Variants in IMMP2L observed in about 807,000 individuals in gnomAD.
IMMP2L encodes the protein inner mitochondrial membrane peptidase subunit 2.
Under a neutral mutation model 19.3 loss-of-function variants are expected in IMMP2L, and 18 were observed. The ratio of observed to expected loss-of-function variants is 0.93; its 90% CI spans 0.64 to 1.38. The LOEUF is 1.38. Ranked by LOEUF, IMMP2L falls within the 40% of genes most tolerant of loss-of-function variation. The pLI is 0.00. For synonymous variants in IMMP2L, 76 were observed against 73.0 expected, an observed-to-expected ratio of 1.04 and a Z score of -0.21; for missense variants, 233 against 218.2, an observed-to-expected ratio of 1.07 and a Z score of -0.43.
intron 5 of IMMP2L, among the ~76,000 whole-genome samples, chr7:110,690,828 A>G (rs1350688268): frequency 1.3e-5 from 2 of 152,176 alleles, no homozygotes; most frequent in African/African-American, 4.8e-5. Flanking sequence ...AGATAACACA[A>G]ACAAATGGAA....
chr7:111,344,524 A>T (rs187670095), intron 3 of IMMP2L, among the ~76,000 whole-genome samples: 1 of 152,192 alleles, frequency 6.6e-6, no homozygotes, highest in Non-Finnish European at 1.5e-5. Context: ...CAATAGATAG[A>T]GCCATGTCTG....
intron 4 of IMMP2L, among the ~76,000 whole-genome samples, chr7:110,923,463 T>C (rs912966174): frequency 2.0e-5 from 3 of 152,048 alleles, no homozygotes; most frequent in Non-Finnish European, 2.9e-5. Flanking sequence ...AAAAGAAAAA[T>C]AGAGAGTGAA....
chr7:110,886,956 T>C (rs1441346098), intron 4 of IMMP2L, among the ~76,000 whole-genome samples: 1 of 152,160 alleles, frequency 6.6e-6, no homozygotes, highest in Non-Finnish European at 1.5e-5. Context: ...TGTGTTGTTA[T>C]TTAATAGAAT....
At chr7:111,508,799 T>G (rs952648690) in intron 2 of IMMP2L, among the ~76,000 whole-genome samples, 4 of 152,130 alleles carry the variant, frequency 2.6e-5, no homozygotes, top group Non-Finnish European at 5.9e-5. Context: ...TCATGCCAAA[T>G]AGGCAAGTTC....
intron 3 of IMMP2L, among the ~76,000 whole-genome samples, chr7:110,993,595 G>GA (rs112398359): frequency 0.067 from 9,555 of 142,858 alleles, 377 homozygotes; most frequent in African/African-American, 0.11. Context: ...TAGATTTCAT[G>GA]AAAAAAAAAA....
At chr7:111,384,720 T>G (rs1383407820) in intron 3 of IMMP2L, among the ~76,000 whole-genome samples, 1 of 152,152 alleles carries the variant, frequency 6.6e-6, no homozygotes, top group South Asian at 2.1e-4. Flanking sequence ...ATGAGTCACG[T>G]AGCAGTAAAC....
intron 3 of IMMP2L, among the ~76,000 whole-genome samples, chr7:111,171,001 T>C (rs1442169047): frequency 6.6e-6 from 1 of 151,832 alleles, no homozygotes; most frequent in Non-Finnish European, 1.5e-5. Context: ...GTTATATGAA[T>C]AGTTCTAATT....
chr7:110,888,408 T>C (rs1810447752), intron 4 of IMMP2L, among the ~76,000 whole-genome samples: 1 of 152,304 alleles, frequency 6.6e-6, no homozygotes, highest in Admixed American at 6.5e-5. Flanking sequence ...CAAACGTTTG[T>C]TCACCTTATT....
intron 5 of IMMP2L, among the ~76,000 whole-genome samples, chr7:110,807,116 T>G (rs763416459): frequency 6.6e-6 from 1 of 152,006 alleles, no homozygotes; most frequent in Admixed American, 6.6e-5. Flanking sequence ...TTTTAAAATC[T>G]TACTAGAAGA....
intron 3 of IMMP2L, among the ~76,000 whole-genome samples, chr7:111,369,430 G>A (rs560594710): frequency 2.0e-5 from 3 of 151,808 alleles, no homozygotes; most frequent in Admixed American, 6.6e-5. Context: ...ATAGTACTAG[G>A]ATTTCAATTT....
At chr7:111,003,781 G>A (rs1283217292) in intron 3 of IMMP2L, among the ~76,000 whole-genome samples, 1 of 151,676 alleles carries the variant, frequency 6.6e-6, no homozygotes, top group Non-Finnish European at 1.5e-5. Flanking sequence ...CAAAGTGCTG[G>A]AATTACAGAC....
chr7:110,738,592 G>A (rs916548358), intron 5 of IMMP2L, among the ~76,000 whole-genome samples: 6 of 152,302 alleles, frequency 3.9e-5, no homozygotes, highest in Admixed American at 1.3e-4. Context: ...CCAAACCTAA[G>A]AATAATTGGT....
intron 3 of IMMP2L, among the ~76,000 whole-genome samples, chr7:111,085,078 T>A (rs1197244684): frequency 1.3e-5 from 2 of 152,144 alleles, no homozygotes; most frequent in Non-Finnish European, 2.9e-5. Context: ...TTTTTGGATC[T>A]ACAGAGAAAT....
intron 3 of IMMP2L, among the ~76,000 whole-genome samples, chr7:111,156,918 G>C (rs947850254): frequency 6.6e-6 from 1 of 151,846 alleles, no homozygotes; most frequent in Non-Finnish European, 1.5e-5. Flanking sequence ...ACTACTCCAT[G>C]TGTCAGTGAT....
At chr7:111,556,135 A>G (rs1177197534) in intron 1 of IMMP2L, among the ~76,000 whole-genome samples, 4 of 150,904 alleles carry the variant, frequency 2.7e-5, no homozygotes, top group Non-Finnish European at 5.9e-5. Context: ...ACAGAGATGG[A>G]GAATAAAACA....
Position 110,793,608 on chromosome 7 carries a change from C to T in IMMP2L, c.408+92985G>A, listed in dbSNP as rs552110985. Among the ~76,000 whole-genome samples, 3 of 149,952 alleles carry T rather than the reference C, an allele frequency of 2.0e-5. No individual in the cohort carries two copies. In the South Asian group the frequency reaches 6.3e-4, roughly 32 times the overall value. On this transcript the variant is annotated intron_variant, in intron 5 of 5. Transcript: ENST00000405709. ...ATAAAAACTTGTATCTTCTCTAGAA[C>T]AAAAAAAAAGTATAAAGCTGCAGTT...
intron 3 of IMMP2L, among the ~76,000 whole-genome samples, chr7:111,349,660 G>A (rs1827939756): frequency 6.6e-6 from 1 of 152,078 alleles, no homozygotes; most frequent in African/African-American, 2.4e-5. Flanking sequence ...TACCAGCAAG[G>A]GGAGTAGAAT....
chr7:110,819,220 G>A (rs1802815065), intron 5 of IMMP2L, among the ~76,000 whole-genome samples: 1 of 151,994 alleles, frequency 6.6e-6, no homozygotes, highest in Non-Finnish European at 1.5e-5. Flanking sequence ...AACTTGGGTG[G>A]AACCTTGCTG....
intron 3 of IMMP2L, among the ~76,000 whole-genome samples, chr7:111,403,896 C>A (rs1162199090): frequency 6.6e-6 from 1 of 152,016 alleles, no homozygotes; most frequent in Non-Finnish European, 1.5e-5. Context: ...ATTAGCCATG[C>A]CACTTGGAAG....
Sources: allele counts gnomAD v4.1 joint callset (sites outside exome capture counted in the v4.1 genomes callset), GRCh38; gene constraint gnomAD v4.1.1; transcripts MANE v1.5; gene names NCBI Gene and HGNC (gene_info 2026-07-23, HGNC 2026-07-21).